Variants in BAHCC1 observed in about 807,000 individuals in gnomAD.
BAHCC1 encodes BAH and coiled-coil domain-containing protein 1.
In BAHCC1, 43 loss-of-function variants were observed where a neutral mutation model predicts 88.2. That is an observed-to-expected ratio of 0.49 (90% CI 0.38 to 0.63). The LOEUF (loss-of-function observed/expected upper bound fraction) is 0.63, where lower values mean the gene tolerates loss of function less well. BAHCC1 is among the 20% of genes least tolerant of loss of function. BAHCC1 has a pLI of 0.00. For missense variants in BAHCC1, 3,023 were observed against 1,654.8 expected, an observed-to-expected ratio of 1.83 and a Z score of -14.34; for synonymous variants, 1,510 against 745.5, an observed-to-expected ratio of 2.03 and a Z score of -16.71.
At position 81,444,998 on chromosome 17, in the gene BAHCC1, C is replaced by T. The variant is rs549523807; in HGVS notation, c.2672-17C>T. ...CCCTCCCCAGCCAGGCTGACCCCTC[C>T]TGGGCCCTGCCCACAGCGGATGTCA... On this transcript the variant is annotated splice_polypyrimidine_tract_variant and intron_variant, in intron 8 of 27. Coordinates refer to ENST00000675386, the MANE Select transcript of BAHCC1 (RefSeq NM_001377448.1). The T allele has an allele frequency of 9.5e-5, 71 of 746,412 alleles. No individual in the cohort carries two copies. The highest frequency in any genetic ancestry group is 1.6e-4 in the Non-Finnish European group (64 of 404,726). The allele number at this position is 746,412 out of a possible 1,614,324, so 46.2% of individuals were successfully genotyped here. A position where few individuals can be genotyped will look rare whatever the true frequency, so the allele number is the denominator to read the frequency against.
intron 3 of BAHCC1, among the ~76,000 whole-genome samples, chr17:81,431,324 A>G (rs878941528): frequency 0.6 from 91,728 of 151,930 alleles, 29,087 homozygotes; most frequent in African/African-American, 0.72. Flanking sequence ...GGCAGTTCCC[A>G]ACCCCCAGCC....
rs541172288 is a variant in BAHCC1 at position 81,399,374 on chromosome 17, G to A, written c.-206-160G>A. The A allele has an allele frequency of 7.0e-6, 1 of 142,654 alleles. No individual in the cohort carries two copies. Among genetic ancestry groups the A allele is most frequent in the African/African-American group, 2.5e-5 (1 of 39,614 alleles). The allele number at this position is 142,654 out of a possible 1,614,324, so 8.8% of individuals were successfully genotyped here. A position where few individuals can be genotyped will look rare whatever the true frequency, so the allele number is the denominator to read the frequency against. On this transcript the variant is annotated intron_variant, in intron 1 of 27. Coordinates refer to ENST00000675386, the MANE Select transcript of BAHCC1 (RefSeq NM_001377448.1). The surrounding 1 kb of genome is among the most constrained non-coding windows in gnomAD (Gnocchi z 4.5). ...CTGGGCTGCGCGCGCGTGCGGCGGG[G>A]AGACACCGAGCGCCCCGGCCCCGCC...
intron 11 of BAHCC1, among the ~76,000 whole-genome samples, chr17:81,450,514 C>G (rs1555655556): frequency 6.6e-6 from 1 of 152,206 alleles, no homozygotes; most frequent in Admixed American, 6.5e-5. Flanking sequence ...TCCCTGCCCC[C>G]AGGTTGAGGT....
chr17:81,462,822 G>A lies in BAHCC1; in HGVS notation c.7466G>A (p.Cys2489Tyr). 1 of 780,636 alleles carries A rather than the reference G, an allele frequency of 1.3e-6. No individual in the cohort carries two copies. The highest frequency in any genetic ancestry group is 2.4e-6 in the Non-Finnish European group (1 of 418,144). 48.4% of individuals were successfully genotyped at this position (780,636 alleles called of 1,614,324 possible). Reference sequence around the variant, plus strand: ...GAGGAGACCCTGCGTGTCGGGGACTGTGCCGTCTTCCTGTCAGCTGGGCGG... The same window carrying A: ...GAGGAGACCCTGCGTGTCGGGGACTATGCCGTCTTCCTGTCAGCTGGGCGG... ...RGEETLRVGD[C>Y]AVFLSAGRPN... The change falls in exon 27 of 28, where the codon TGT becomes TAT. Residue 2489 changes from cysteine to tyrosine, a missense_variant. By Grantham distance (194) the Cys-to-Tyr change is radical. Coordinates refer to ENST00000675386, the MANE Select transcript of BAHCC1 (RefSeq NM_001377448.1).
chr17:81,423,665 G>A (rs1351616828), intron 2 of BAHCC1, among the ~76,000 whole-genome samples: 1 of 152,220 alleles, frequency 6.6e-6, no homozygotes, highest in Non-Finnish European at 1.5e-5. Flanking sequence ...GCCGCTCAGT[G>A]ACAGCCTCAG....
chr17:81,458,547 G>A, intron 18 of BAHCC1, 74 bp from the exon 19 acceptor site: 1 of 425,182 alleles, frequency 2.4e-6, no homozygotes. Flanking sequence ...CCCGCACGCT[G>A]GCCCCTGAGC....
intron 2 of BAHCC1, among the ~76,000 whole-genome samples, chr17:81,413,494 G>A (rs1418494300): frequency 6.6e-6 from 1 of 151,730 alleles, no homozygotes; most frequent in Non-Finnish European, 1.5e-5. Flanking sequence ...TGTCCCCTCC[G>A]CAGCAGCGGG....
intron 2 of BAHCC1, chr17:81,413,270 CT>C: frequency 4.0e-6 from 1 of 250,464 alleles, no homozygotes; most frequent in Non-Finnish European, 8.1e-6. Flanking sequence ...GGGTTTGTGC[CT>C]TTCCTCTGCC....
intron 2 of BAHCC1, among the ~76,000 whole-genome samples, chr17:81,423,524 C>A (rs1376873788): frequency 6.6e-6 from 1 of 152,058 alleles, no homozygotes; most frequent in Non-Finnish European, 1.5e-5. Context: ...ACTATCCCCA[C>A]GCTCAGCCTC....
At chr17:81,432,031 C>G (rs2064266802) in intron 3 of BAHCC1, among the ~76,000 whole-genome samples, 1 of 152,140 alleles carries the variant, frequency 6.6e-6, no homozygotes, top group Non-Finnish European at 1.5e-5. Flanking sequence ...CGTCACAGAC[C>G]CAGAGCTGTC....
chr17:81,411,064 C>T lies in BAHCC1; in HGVS notation c.178+11147C>T. The T allele has an allele frequency of 1.9e-6, 1 of 519,122 alleles. No homozygotes were observed. The highest frequency in any genetic ancestry group is 3.9e-6 in the Non-Finnish European group (1 of 259,736). 32.2% of individuals were successfully genotyped at this position (519,122 alleles called of 1,614,324 possible). Reference sequence around the variant, plus strand: ...GGCCCCCGTGCGCCTCCCCTCGGGCCTGAGGGGTCCCTCTCTCTGGGGTCA... The same window carrying T: ...GGCCCCCGTGCGCCTCCCCTCGGGCTTGAGGGGTCCCTCTCTCTGGGGTCA... On this transcript the variant is annotated intron_variant, in intron 2 of 27. Transcript: ENST00000675386. This position sits in a 1 kb window ranked among gnomAD's most constrained non-coding sequence, Gnocchi z 6.2.
At chr17:81,419,835 A>G (rs73363759) in intron 2 of BAHCC1, among the ~76,000 whole-genome samples, 2,164 of 150,484 alleles carry the variant, frequency 0.014, 63 homozygotes, top group African/African-American at 0.051. Context: ...AGTTTCCAGA[A>G]AAGGAGGATG....
At chr17:81,427,134 C>T (rs1442126425) in intron 3 of BAHCC1, among the ~76,000 whole-genome samples, 155 bp downstream of exon 3, 4 of 152,086 alleles carry the variant, frequency 2.6e-5, no homozygotes, top group South Asian at 2.1e-4. Context: ...GCCTCCCTGC[C>T]GAGGAAGCCC....
intron 2 of BAHCC1, among the ~76,000 whole-genome samples, chr17:81,410,303 G>A (rs1277078328): frequency 3.3e-5 from 5 of 152,310 alleles, no homozygotes; most frequent in African/African-American, 9.6e-5. Flanking sequence ...GCAGCAGGCA[G>A]CGAGACTCCT....
chr17:81,436,160 G>A (rs2064332995), intron 3 of BAHCC1, among the ~76,000 whole-genome samples: 1 of 151,306 alleles, frequency 6.6e-6, no homozygotes, highest in South Asian at 2.1e-4. Context: ...CTTCCCCTCT[G>A]GGTCCTCAGA....
chr17:81,454,002 G>A lies in BAHCC1; in HGVS notation c.4445+1151G>A, dbSNP rs571297708. 2.2e-4 allele frequency among the ~76,000 whole-genome samples: 34 copies of A among 152,358 alleles called. No homozygotes were observed. The South Asian group carries it at 6.6e-3, about 30-fold the overall frequency. ...AAGGTGGAAAGGGACATCCGGCCACGCCAGGCCAGGGCCAGGCAGGGCTCT... is the reference window on the plus strand; with the variant it reads ...AAGGTGGAAAGGGACATCCGGCCACACCAGGCCAGGGCCAGGCAGGGCTCT... On this transcript the variant is annotated intron_variant, in intron 14 of 27. Transcript: ENST00000675386.
At chr17:81,407,841 C>T (rs1269868344) in intron 2 of BAHCC1, among the ~76,000 whole-genome samples, 1 of 152,232 alleles carries the variant, frequency 6.6e-6, no homozygotes, top group Non-Finnish European at 1.5e-5. Context: ...CAGGTGTTCA[C>T]CTGCACACAC....
At chr17:81,415,197 G>A (rs1415933695) in intron 2 of BAHCC1, among the ~76,000 whole-genome samples, 1 of 152,238 alleles carries the variant, frequency 6.6e-6, no homozygotes, top group East Asian at 1.9e-4. Context: ...GCAGCTTCCT[G>A]GTTCCTTCCT....
At chr17:81,455,110 G>GC (rs1466199277) in intron 14 of BAHCC1, among the ~76,000 whole-genome samples, 157 bp from the exon 15 acceptor site, 5 of 152,172 alleles carry the variant, frequency 3.3e-5, no homozygotes, top group African/African-American at 1.2e-4. Context: ...AGCTGGCTCG[G>GC]CCCCCGGGGC....
Sources: gnomAD v4.1 joint callset for allele counts (sites outside exome capture counted in the v4.1 genomes callset) on GRCh38, gnomAD v4.1.1 for gene constraint, Gnocchi (gnomAD v3.1) non-coding constraint, MANE v1.5 for transcripts, NCBI Gene and HGNC (gene_info 2026-07-23, HGNC 2026-07-21) for gene names.